PPM1E: variants seen among roughly 807,000 people sequenced by gnomAD.
PPM1E encodes protein phosphatase 1E.
A neutral mutation model predicts 65.9 loss-of-function variants in PPM1E; 20 were observed. The observed-to-expected ratio is 0.30, with a 90% CI of 0.21 to 0.44. PPM1E has a LOEUF of 0.44. Among genes scored for constraint, PPM1E ranks in the 20% least tolerant of loss-of-function variants. The pLI, the probability that PPM1E is intolerant of heterozygous loss-of-function variation, is 1.00. For synonymous variants in PPM1E, 352 were observed against 374.9 expected, an observed-to-expected ratio of 0.94 and a Z score of 0.70; for missense variants, 713 against 953.1, an observed-to-expected ratio of 0.75 and a Z score of 3.32.
chr17:58,777,289 T>C (rs2050003431), intron 1 of PPM1E, among the ~76,000 whole-genome samples: 1 of 152,192 alleles, frequency 6.6e-6, no homozygotes, highest in Non-Finnish European at 1.5e-5. Context: ...ATTAAGATAT[T>C]TTTATTTTCA....
intron 1 of PPM1E, among the ~76,000 whole-genome samples, chr17:58,867,132 C>T (rs993340085): frequency 2.0e-5 from 3 of 152,166 alleles, no homozygotes; most frequent in African/African-American, 7.2e-5. Context: ...AGGCATGTGC[C>T]GCCACACCCA....
chr17:58,805,990 C>CAAAAAAAA (rs1168126201), intron 1 of PPM1E, among the ~76,000 whole-genome samples: 1 of 71,372 alleles, frequency 1.4e-5, no homozygotes, highest in Non-Finnish European at 2.6e-5. Flanking sequence ...AAAAACAAAA[C>CAAAAAAAA]AAAACAAAAC....
At chr17:58,941,007 G>C (rs1050651342) in intron 1 of PPM1E, among the ~76,000 whole-genome samples, 2 of 152,006 alleles carry the variant, frequency 1.3e-5, no homozygotes, top group Non-Finnish European at 2.9e-5. Flanking sequence ...CACCACACCC[G>C]GCCCAGATCA....
At chr17:58,827,371 G>A (rs1050615041) in intron 1 of PPM1E, among the ~76,000 whole-genome samples, 2 of 151,456 alleles carry the variant, frequency 1.3e-5, no homozygotes, top group Non-Finnish European at 1.5e-5. Flanking sequence ...GACCTCTGGT[G>A]ATCACCTGCC....
chr17:58,976,326 A>C (rs1032922843), intron 6 of PPM1E, among the ~76,000 whole-genome samples: 1 of 152,150 alleles, frequency 6.6e-6, no homozygotes, highest in African/African-American at 2.4e-5. Context: ...GAATTGAGAA[A>C]ATTCAAGCCT....
Position 58,756,212 on chromosome 17 carries a change from C to T in PPM1E, c.215C>T (p.Thr72Met). 1 of 1,555,750 alleles carries T rather than the reference C, an allele frequency of 6.4e-7. No homozygotes were observed. Among genetic ancestry groups the T allele is most frequent in the South Asian group, 1.2e-5 (1 of 84,550 alleles). The change falls in exon 1 of 7, where the codon ACG becomes ATG. Residue 72 changes from threonine to methionine, a missense_variant. By Grantham distance (81) the Thr-to-Met change is moderately conservative (BLOSUM62 -1). Around this residue, in one of 6 missense-constraint regions of PPM1E, gnomAD observed 212 missense variants for 204.0 expected, o/e 1.04. Transcript: ENST00000308249. ...GAGGAACCCGGGGAGGAGGCGGCCA[C>T]GGTAGCCGCGACGGAGGAGGGGGAC... ...SVEEPGEEAA[T>M]VAATEEGDQE...
At chr17:58,951,724 T>C (rs1438744702) in intron 1 of PPM1E, among the ~76,000 whole-genome samples, 1 of 149,990 alleles carries the variant, frequency 6.7e-6, no homozygotes, top group Non-Finnish European at 1.5e-5. Context: ...TCAAAACACA[T>C]ATGCCAATTA....
At chr17:58,804,765 A>G (rs1271138557) in intron 1 of PPM1E, among the ~76,000 whole-genome samples, 2 of 152,124 alleles carry the variant, frequency 1.3e-5, no homozygotes, top group Non-Finnish European at 2.9e-5. Context: ...TTATTGATAT[A>G]TAACATTTTA....
intron 1 of PPM1E, among the ~76,000 whole-genome samples, chr17:58,856,445 T>A (rs1043419061): frequency 1.3e-5 from 2 of 151,712 alleles, no homozygotes; most frequent in Non-Finnish European, 2.9e-5. Flanking sequence ...TCCATGTTGG[T>A]CAGGCTGGTC....
chr17:58,814,949 G>A (rs142588716), intron 1 of PPM1E, among the ~76,000 whole-genome samples: 1 of 152,246 alleles, frequency 6.6e-6, no homozygotes, highest in East Asian at 1.9e-4. Context: ...TTGTTTTAAG[G>A]AATAAATTAC....
At chr17:58,876,176 T>C (rs141899940) in intron 1 of PPM1E, among the ~76,000 whole-genome samples, 1,708 of 152,320 alleles carry the variant, frequency 0.011, 13 homozygotes, top group Middle Eastern at 0.041. Flanking sequence ...CTGTGATTTG[T>C]AGCATGTTCT....
chr17:58,905,844 T>C (rs984962062), intron 1 of PPM1E, among the ~76,000 whole-genome samples: 1 of 152,182 alleles, frequency 6.6e-6, no homozygotes, highest in African/African-American at 2.4e-5. Flanking sequence ...GAATGAGTAA[T>C]GGTAGTCTCA....
At chr17:58,900,620 T>G (rs2051487475) in intron 1 of PPM1E, among the ~76,000 whole-genome samples, 1 of 152,214 alleles carries the variant, frequency 6.6e-6, no homozygotes, top group African/African-American at 2.4e-5. Flanking sequence ...ATATTTTTAT[T>G]TTGCAATAAA....
At chr17:58,956,903 T>G (rs955852354) in intron 2 of PPM1E, among the ~76,000 whole-genome samples, 3 of 152,192 alleles carry the variant, frequency 2.0e-5, no homozygotes, top group Non-Finnish European at 4.4e-5. Context: ...AACATTTCTG[T>G]TCTTCCTTTA....
At chr17:58,785,852 G>A (rs958621035) in intron 1 of PPM1E, among the ~76,000 whole-genome samples, 1 of 151,868 alleles carries the variant, frequency 6.6e-6, no homozygotes, top group African/African-American at 2.4e-5. Context: ...ACACACTGTG[G>A]CTATAACTTT....
At chr17:58,762,897 C>CAA (rs35912480) in intron 1 of PPM1E, among the ~76,000 whole-genome samples, 7 of 93,158 alleles carry the variant, frequency 7.5e-5, no homozygotes, top group Admixed American at 1.2e-4. Context: ...GACTCCGTCT[C>CAA]AAAAAAAAAA....
chr17:58,792,725 T>C (rs1365532088), intron 1 of PPM1E, among the ~76,000 whole-genome samples: 1 of 150,460 alleles, frequency 6.6e-6, no homozygotes, highest in African/African-American at 2.5e-5. Context: ...TATTATTTTA[T>C]TTTATAAGAA....
chr17:58,791,876 C>A (rs980679778), intron 1 of PPM1E, among the ~76,000 whole-genome samples: 1 of 152,080 alleles, frequency 6.6e-6, no homozygotes, highest in Non-Finnish European at 1.5e-5. Flanking sequence ...TATTCCTTAA[C>A]CCTTTTTCCT....
intron 1 of PPM1E, among the ~76,000 whole-genome samples, chr17:58,781,608 T>C (rs2050050340): frequency 6.6e-6 from 1 of 152,114 alleles, no homozygotes; most frequent in Non-Finnish European, 1.5e-5. Context: ...TTATTAACAA[T>C]GATTTTTTTG....
Sources: allele counts gnomAD v4.1 joint callset (sites outside exome capture counted in the v4.1 genomes callset), GRCh38; gene constraint gnomAD v4.1.1; regional missense constraint gnomAD v4.1.1; transcripts MANE v1.5; gene names NCBI Gene and HGNC (gene_info 2026-07-23, HGNC 2026-07-21).